The following BEAN1 variants were observed in gnomAD, a reference collection of about 807,000 sequenced individuals.
BEAN1 encodes brain expressed associated with NEDD4 1.
Under a neutral mutation model 17.7 loss-of-function variants are expected in BEAN1, and 17 were observed. The ratio of observed to expected loss-of-function variants is 0.96; its 90% CI spans 0.66 to 1.44. The LOEUF (loss-of-function observed/expected upper bound fraction) is 1.44, where lower values mean the gene tolerates loss of function less well. BEAN1 is among the 40% of genes most tolerant of loss of function. The probability of loss-of-function intolerance (pLI) is 0.00; values close to 1 mark genes in which losing one functional copy is unlikely to be tolerated. For synonymous variants in BEAN1, 142 were observed against 151.8 expected (o/e 0.94, Z 0.47); for missense variants, 359 against 374.1 (o/e 0.96, Z 0.33).
intron 3 of BEAN1, among the ~76,000 whole-genome samples, chr16:66,472,927 C>T (rs983755434): frequency 9.3e-5 from 14 of 151,338 alleles, no homozygotes; most frequent in African/African-American, 2.9e-4. Context: ...GAGGCTGAGT[C>T]GGGAGGGTCC....
intron 1 of BEAN1, among the ~76,000 whole-genome samples, chr16:66,435,068 G>A (rs545456897): frequency 6.6e-6 from 1 of 152,192 alleles, no homozygotes; most frequent in East Asian, 1.9e-4. Flanking sequence ...TCTTGATCTG[G>A]GTATTGACAG....
At chr16:66,432,830 G>T (rs968279669) in intron 1 of BEAN1, among the ~76,000 whole-genome samples, 3 of 152,154 alleles carry the variant, frequency 2.0e-5, no homozygotes, top group Non-Finnish European at 4.4e-5. Flanking sequence ...TCTCTCCCCA[G>T]GTATCTGCCC....
intron 2 of BEAN1, among the ~76,000 whole-genome samples, chr16:66,448,731 G>A (rs1348100699): frequency 6.6e-6 from 1 of 152,208 alleles, no homozygotes; most frequent in Non-Finnish European, 1.5e-5. Context: ...GCAGAGGCAG[G>A]AGAATCTCTT....
chr16:66,433,354 C>T (rs1158946105), intron 1 of BEAN1, among the ~76,000 whole-genome samples: 6 of 152,132 alleles, frequency 3.9e-5, no homozygotes, highest in African/African-American at 7.2e-5. Context: ...CCAAGTAATC[C>T]GCCCTCTTTG....
chr16:66,431,083 A>C (rs534580164), intron 1 of BEAN1, among the ~76,000 whole-genome samples: 6 of 152,260 alleles, frequency 3.9e-5, no homozygotes, highest in Non-Finnish European at 7.3e-5. Context: ...AATAAAGCTT[A>C]TCAGTGAGTT....
rs569399331 is a variant in BEAN1, at chr16:66,471,382, C to T, written c.289+1517C>T. Among the ~76,000 whole-genome samples, 13 of 152,326 alleles carry T rather than the reference C, an allele frequency of 8.5e-5. No homozygotes were observed. In the South Asian group the frequency reaches 2.3e-3, roughly 27 times the overall value. ...CTAGTGAGATGATAACTCACTTGAG[C>T]CCAGGCAGCCTGACCTGGCACCCAC... On this transcript the variant is annotated intron_variant, in intron 3 of 4. Coordinates refer to ENST00000536005, the MANE Select transcript of BEAN1 (RefSeq NM_001178020.3). This position sits in a 1 kb window ranked among gnomAD's most constrained non-coding sequence, Gnocchi z 4.7.
Position 66,473,623 on chromosome 16 carries a change from G to A in BEAN1, c.289+3758G>A, listed in dbSNP as rs909298066. On this transcript the variant is annotated intron_variant, in intron 3 of 4. Transcript: ENST00000536005. This position sits in a 1 kb window ranked among gnomAD's most constrained non-coding sequence, Gnocchi z 4.5. ...AAGGTGGGAGGATAGCTTGAGCTCA[G>A]GGGTTTCAGGCTGCAGTGAGCTACG... 1.3e-4 allele frequency among the ~76,000 whole-genome samples: 20 copies of A among 152,000 alleles called. No homozygotes were observed. The highest frequency in any genetic ancestry group is 2.4e-4 in the Non-Finnish European group (16 of 68,010).
chr16:66,467,676 G>A (rs1284142362), intron 2 of BEAN1, among the ~76,000 whole-genome samples: 1 of 152,220 alleles, frequency 6.6e-6, no homozygotes, highest in Non-Finnish European at 1.5e-5. Context: ...ACATCGGAGG[G>A]TCAGGAAGCA....
intron 1 of BEAN1, among the ~76,000 whole-genome samples, chr16:66,435,634 C>T (rs1763338248): frequency 6.6e-6 from 1 of 152,104 alleles, no homozygotes; most frequent in African/African-American, 2.4e-5. Flanking sequence ...ATCACAGGCA[C>T]ATGCCACCAC....
chr16:66,431,747 T>A (rs959523357), intron 1 of BEAN1, among the ~76,000 whole-genome samples: 8 of 152,062 alleles, frequency 5.3e-5, no homozygotes, highest in Non-Finnish European at 1.0e-4. Context: ...CTTTTTTTTT[T>A]CTTTTTTTCC....
intron 2 of BEAN1, chr16:66,438,004 G>A (rs1222634306): frequency 8.3e-6 from 4 of 484,302 alleles, no homozygotes; most frequent in African/African-American, 1.9e-5. Flanking sequence ...ACAAATAAAA[G>A]ACTACATGGC....
At chr16:66,459,690 T>C (rs1963010358) in intron 2 of BEAN1, among the ~76,000 whole-genome samples, 1 of 152,068 alleles carries the variant, frequency 6.6e-6, no homozygotes, top group African/African-American at 2.4e-5. Context: ...CCTCCAAACT[T>C]AGCCCCCAGC....
In BEAN1 at chr16:66,470,463, G is replaced by C. The variant is rs540896387; in HGVS notation, c.289+598G>C. Among the ~76,000 whole-genome samples, 3 of 152,238 alleles carry C rather than the reference G, an allele frequency of 2.0e-5. No individual in the cohort carries two copies. The South Asian group carries it at 6.2e-4, about 32-fold the overall frequency. ...GATGGGTGGATTGAGTGTTATGCCT[G>C]AGTGGAGAGATGGAAGGGAGGGTTG... is the stretch of plus-strand genomic sequence containing the variant. On this transcript the variant is annotated intron_variant, in intron 3 of 4. Coordinates refer to ENST00000536005, the MANE Select transcript of BEAN1 (RefSeq NM_001178020.3).
intron 4 of BEAN1, among the ~76,000 whole-genome samples, chr16:66,480,028 C>G (rs770049516): frequency 2.6e-5 from 4 of 152,168 alleles, no homozygotes; most frequent in Non-Finnish European, 4.4e-5. Context: ...CCCTCCAGCC[C>G]TGGATGAATG....
chr16:66,436,152 C>T (rs934472276), intron 1 of BEAN1, among the ~76,000 whole-genome samples: 2 of 152,228 alleles, frequency 1.3e-5, no homozygotes, highest in South Asian at 2.1e-4. Context: ...GACCACACTC[C>T]CTAGAAATAA....
intron 2 of BEAN1, among the ~76,000 whole-genome samples, chr16:66,456,386 G>A (rs1962867875): frequency 6.6e-6 from 1 of 152,220 alleles, no homozygotes; most frequent in South Asian, 2.1e-4. Context: ...CTAGCCGGTA[G>A]GTGGGCCCAG....
chr16:66,443,707 C>A (rs1017789873), intron 2 of BEAN1, among the ~76,000 whole-genome samples: 5 of 152,112 alleles, frequency 3.3e-5, no homozygotes, highest in Non-Finnish European at 5.9e-5. Flanking sequence ...ACTCCTCTTG[C>A]TCTGTCACCC....
At chr16:66,456,654 T>C (rs1483759652) in intron 2 of BEAN1, among the ~76,000 whole-genome samples, 1 of 152,232 alleles carries the variant, frequency 6.6e-6, no homozygotes, top group African/African-American at 2.4e-5. Context: ...GGCTTGGTTC[T>C]GTGATGTCAA....
chr16:66,466,523 C>G (rs935028006), intron 2 of BEAN1, among the ~76,000 whole-genome samples: 2 of 152,110 alleles, frequency 1.3e-5, no homozygotes, highest in African/African-American at 4.8e-5. Context: ...ATAAATTTCC[C>G]TCTAAACACT....
Sources: allele counts gnomAD v4.1 joint callset (sites outside exome capture counted in the v4.1 genomes callset), GRCh38; gene constraint gnomAD v4.1.1; non-coding constraint Gnocchi (gnomAD v3.1); transcripts MANE v1.5; gene names NCBI Gene and HGNC (gene_info 2026-07-23, HGNC 2026-07-21).